The following PDE1C variants were observed in gnomAD, a reference collection of about 807,000 sequenced individuals.
PDE1C encodes the protein dual specificity calcium/calmodulin-dependent 3',5'-cyclic nucleotide phosphodiesterase 1C.
In PDE1C, 62 loss-of-function variants were observed where a neutral mutation model predicts 93.1. The observed-to-expected ratio is 0.67, with a 90% CI of 0.54 to 0.82. The LOEUF is 0.82. Ranked by LOEUF, PDE1C falls within the 40% of genes least tolerant of loss-of-function variation. The probability of loss-of-function intolerance (pLI) is 0.00; values close to 1 mark genes in which losing one functional copy is unlikely to be tolerated. For missense variants in PDE1C, 742 were observed against 884.6 expected (o/e 0.84, Z 2.04); for synonymous variants, 325 against 310.1 (o/e 1.05, Z -0.50).
intron 1 of PDE1C, among the ~76,000 whole-genome samples, chr7:32,247,243 G>A (rs1055471436): frequency 4.0e-5 from 5 of 124,660 alleles, no homozygotes; most frequent in African/African-American, 1.5e-4. Context: ...TGTGCGAATT[G>A]AAGCAGTGGC....
At chr7:31,851,061 GAC>G (rs751991137) in intron 7 of PDE1C, among the ~76,000 whole-genome samples, 4 of 83,846 alleles carry the variant, frequency 4.8e-5, no homozygotes, top group African/African-American at 1.3e-4. Flanking sequence ...TTCCTAGGTA[GAC>G]ACACACACAC....
the PDE1C span, among the ~76,000 whole-genome samples, chr7:31,619,544 CCT>C: frequency 1.7e-4 from 3 of 18,152 alleles, no homozygotes; most frequent in Non-Finnish European, 9.4e-4. Flanking sequence ...CCAAAATTTA[CCT>C]CATTCATCTA....
chr7:32,281,997 C>T (rs938618525), intron 1 of PDE1C, among the ~76,000 whole-genome samples: 1 of 151,972 alleles, frequency 6.6e-6, no homozygotes, highest in Non-Finnish European at 1.5e-5. Context: ...ACATCACATA[C>T]TGGGGCCTGT....
intron 7 of PDE1C, among the ~76,000 whole-genome samples, chr7:31,857,096 C>T (rs1794119084): frequency 6.6e-6 from 1 of 152,182 alleles, no homozygotes; most frequent in South Asian, 2.1e-4. Flanking sequence ...CAAAGGCCAT[C>T]TCTCCAAATA....
intron 2 of PDE1C, among the ~76,000 whole-genome samples, chr7:32,206,240 A>G (rs929684987): frequency 6.6e-6 from 1 of 152,070 alleles, no homozygotes; most frequent in African/African-American, 2.4e-5. Flanking sequence ...GTGTATGCTG[A>G]TAATGGGACG....
chr7:32,130,573 T>C (rs1201418202), intron 3 of PDE1C, among the ~76,000 whole-genome samples: 1 of 152,104 alleles, frequency 6.6e-6, no homozygotes, highest in Non-Finnish European at 1.5e-5. Context: ...AGCTCTCTTG[T>C]TCCTCAACCT....
rs779399809 is a variant in PDE1C, at chr7:31,835,547, T to TGTGTGTGCGTGC, written c.1203+1632_1203+1633insGCACGCACACAC. The stretch of plus-strand genomic sequence containing the variant: ...TGCGGTGTGTGTGTGTGTGTGTGTG[T>TGTGTGTGCGTGC]GTGTGTGTGCGTGCATGTGCACCAT... On this transcript the variant is annotated intron_variant, in intron 11 of 17. Coordinates refer to ENST00000396191, the MANE Select transcript of PDE1C (RefSeq NM_001191057.4). Among the ~76,000 whole-genome samples the TGTGTGTGCGTGC allele has an allele frequency of 1.2e-3, 176 of 152,026 alleles. 1 individual carries two copies. In the South Asian group the frequency reaches 0.013, roughly 11 times the overall value.
At chr7:31,750,766 C>G (rs1419236169), downstream of PDE1C, among the ~76,000 whole-genome samples, 1 of 152,178 alleles carries the variant, frequency 6.6e-6, no homozygotes, top group Non-Finnish European at 1.5e-5. Flanking sequence ...GAGTCTCGCT[C>G]TGTCGCCCAG....
chr7:32,400,875 C>T (rs1197532291), intron 1 of PDE1C, among the ~76,000 whole-genome samples: 1 of 152,258 alleles, frequency 6.6e-6, no homozygotes. Context: ...TGAGCTCCCA[C>T]TGTCACATGT....
chr7:31,863,020 T>G (rs1056047419), intron 7 of PDE1C, among the ~76,000 whole-genome samples: 1 of 152,194 alleles, frequency 6.6e-6, no homozygotes, highest in African/African-American at 2.4e-5. Context: ...CATATTAAAA[T>G]CCTTGAAACT....
At chr7:32,290,093 A>G (rs1812241301) in intron 1 of PDE1C, among the ~76,000 whole-genome samples, 1 of 152,088 alleles carries the variant, frequency 6.6e-6, no homozygotes, top group Admixed American at 6.5e-5. Context: ...CCTGGTTCTC[A>G]GGCCAAGGTC....
At chr7:32,172,373 T>G (rs1044930801) in intron 2 of PDE1C, among the ~76,000 whole-genome samples, 1 of 151,936 alleles carries the variant, frequency 6.6e-6, no homozygotes, top group Non-Finnish European at 1.5e-5. Flanking sequence ...CATCAAAAAA[T>G]GGGCAAAGGA....
At chr7:31,879,343 C>T in intron 3 of PDE1C, 165 bp from the exon 4 acceptor site, 1 of 616,758 alleles carries the variant, frequency 1.6e-6, no homozygotes, top group Admixed American at 2.9e-5. Context: ...CTTATGTAAG[C>T]TCGCCATGTG....
intron 2 of PDE1C, among the ~76,000 whole-genome samples, chr7:32,031,318 A>G (rs1389046356): frequency 1.3e-5 from 2 of 152,150 alleles, no homozygotes; most frequent in African/African-American, 4.8e-5. Flanking sequence ...TTTACTATAC[A>G]CTGATTCCCC....
upstream of PDE1C, chr7:32,070,493 C>G: frequency 6.4e-7 from 1 of 1,555,792 alleles, no homozygotes; most frequent in Non-Finnish European, 8.7e-7. Context: ...AGGCGCGGCG[C>G]GCGTTTGCCC....
chr7:31,830,863 C>T (rs1320904480), intron 11 of PDE1C, among the ~76,000 whole-genome samples: 1 of 152,148 alleles, frequency 6.6e-6, no homozygotes, highest in Admixed American at 6.6e-5. Context: ...AAAATCATTG[C>T]TTATCATAGA....
intron 2 of PDE1C, among the ~76,000 whole-genome samples, chr7:31,988,913 T>C (rs558107715): frequency 1.8e-4 from 26 of 146,536 alleles, no homozygotes; most frequent in Non-Finnish European, 3.4e-4. Flanking sequence ...GAGAATCACT[T>C]GAACCCAGGA....
At chr7:31,637,720 T>C in the PDE1C span, among the ~76,000 whole-genome samples, 20 of 152,226 alleles carry the variant, frequency 1.3e-4, 1 homozygote, top group Middle Eastern at 6.3e-3. Context: ...TCTATTGCTG[T>C]GCAGAAGCTC....
At chr7:31,728,803 T>C in the PDE1C span, among the ~76,000 whole-genome samples, 1 of 151,972 alleles carries the variant, frequency 6.6e-6, no homozygotes, top group Non-Finnish European at 1.5e-5. Context: ...CTCACAGAGG[T>C]GACATTTGAG....
Sources: allele counts gnomAD v4.1 joint callset (sites outside exome capture counted in the v4.1 genomes callset), GRCh38; gene constraint gnomAD v4.1.1; transcripts MANE v1.5; gene names NCBI Gene and HGNC (gene_info 2026-07-23, HGNC 2026-07-21).